EML6: variants seen among roughly 807,000 people sequenced by gnomAD.
EML6 encodes the protein echinoderm microtubule-associated protein-like 6.
In EML6, 154 loss-of-function variants were observed where a neutral mutation model predicts 240.1. The observed-to-expected ratio is 0.64, with a 90% confidence interval of 0.56 to 0.73. The LOEUF is 0.73. EML6 is among the 30% of genes least tolerant of loss of function. EML6 has a pLI of 0.00. For synonymous variants in EML6, 1,148 were observed against 899.0 expected, an observed-to-expected ratio of 1.28 and a Z score of -4.95; for missense variants, 2,964 against 2,474.6, an observed-to-expected ratio of 1.20 and a Z score of -4.20.
At chr2:54,804,377 T>A (rs1034615565) in intron 2 of EML6, among the ~76,000 whole-genome samples, 1 of 152,242 alleles carries the variant, frequency 6.6e-6, no homozygotes, top group African/African-American at 2.4e-5. Context: ...CATAGACCTC[T>A]CTCATTAGTG....
rs1404118464 is a variant in EML6 at position 54,853,698 on chromosome 2, G to C, written c.1500G>C (p.Trp500Cys). The C allele has an allele frequency of 1.9e-6, 3 of 1,550,828 alleles. No individual in the cohort carries two copies. Among genetic ancestry groups the C allele is most frequent in the Admixed American group, 3.9e-5 (2 of 50,914 alleles). Reference sequence around the variant, plus strand: ...TTAAAGGGATTCCTTGGGCCTCCTGGACATGCGTGAAAGGCCCTGAAGTGA... The same window carrying C: ...TTAAAGGGATTCCTTGGGCCTCCTGCACATGCGTGAAAGGCCCTGAAGTGA... ...EEIKGIPWAS[W>C]TCVKGPEVSG... The change falls in exon 11 of 42, where the codon TGG becomes TGC. Residue 500 changes from tryptophan to cysteine, a missense_variant. Coordinates refer to ENST00000356458, the MANE Select transcript of EML6 (RefSeq NM_001039753.4).
At chr2:54,869,868 CTG>C (rs1671162761) in intron 15 of EML6, among the ~76,000 whole-genome samples, 4 of 151,954 alleles carry the variant, frequency 2.6e-5, no homozygotes, top group Admixed American at 2.6e-4. Flanking sequence ...TAGATTGAGT[CTG>C]TAATTGAAAA....
At chr2:54,758,181 C>G (rs1353218837) in intron 2 of EML6, among the ~76,000 whole-genome samples, 1 of 152,106 alleles carries the variant, frequency 6.6e-6, no homozygotes, top group East Asian at 1.9e-4. Flanking sequence ...GATTTAAAAT[C>G]TTTCCAGCTG....
chr2:54,921,256 G>C (rs371782626), intron 26 of EML6, among the ~76,000 whole-genome samples: 1 of 152,058 alleles, frequency 6.6e-6, no homozygotes, highest in East Asian at 1.9e-4. Context: ...AGTCAGTAAA[G>C]TTGTAGGATA....
chr2:54,809,100 C>A lies in EML6; in HGVS notation c.198-4132C>A, dbSNP rs115629576. Among the ~76,000 whole-genome samples, 656 of 152,284 alleles carry A rather than the reference C, an allele frequency of 4.3e-3. 5 individuals carry two copies. Among genetic ancestry groups the A allele is most frequent in the African/African-American group, 0.015 (635 of 41,548 alleles). On this transcript the variant is annotated intron_variant, in intron 2 of 41. Coordinates refer to ENST00000356458, the MANE Select transcript of EML6 (RefSeq NM_001039753.4). ...CTTTTTATGTAGGTGTGGAATGAGA[C>A]TTTCATTGTCTTGAGACTCGCAATG...
At chr2:54,903,008 T>C in intron 22 of EML6, 36 bp from the exon 23 acceptor site, 1 of 1,542,214 alleles carries the variant, frequency 6.5e-7, no homozygotes, top group Non-Finnish European at 8.8e-7. Flanking sequence ...CAGTGAAGTT[T>C]TGGATAATAA....
intron 26 of EML6, 48 bp from the exon 27 acceptor site, chr2:54,928,265 G>C (rs1290176586): frequency 7.1e-7 from 1 of 1,407,640 alleles, no homozygotes; most frequent in Non-Finnish European, 9.8e-7. Flanking sequence ...CGAGCCCAGA[G>C]AAAGGAATAA....
At chr2:54,824,389 TATA>T (rs1328210898) in intron 5 of EML6, among the ~76,000 whole-genome samples, 1 of 152,222 alleles carries the variant, frequency 6.6e-6, no homozygotes, top group Non-Finnish European at 1.5e-5. Context: ...TGCTTAGAAA[TATA>T]ATACATTTAA....
chr2:54,925,023 C>G (rs545376379), intron 26 of EML6, among the ~76,000 whole-genome samples: 1 of 152,276 alleles, frequency 6.6e-6, no homozygotes, highest in South Asian at 2.1e-4. Context: ...ATGGTTGTGT[C>G]TTCCCAAATC....
At chr2:54,874,655 T>G (rs1002974657) in intron 16 of EML6, among the ~76,000 whole-genome samples, 1 of 152,212 alleles carries the variant, frequency 6.6e-6, no homozygotes, top group East Asian at 1.9e-4. Flanking sequence ...CTTTGACTGA[T>G]ACGTGATTCA....
In EML6 at chr2:54,806,335, G is replaced by T. The variant is rs116602644; in HGVS notation, c.198-6897G>T. ...GGACTTAGAATGTCTGTTCCTGGCC[G>T]GGCGCGGTGGCTCACACTTGTAATC... On this transcript the variant is annotated intron_variant, in intron 2 of 41. Transcript: ENST00000356458. Among the ~76,000 whole-genome samples the T allele has an allele frequency of 7.7e-3, 1,173 of 152,090 alleles. 16 individuals are homozygous for T. The highest frequency in any genetic ancestry group is 0.027 in the African/African-American group (1,109 of 41,506).
rs368558159 is a variant in EML6, at chr2:54,840,926, C to T, written c.848-3121C>T. On this transcript the variant is annotated intron_variant, in intron 7 of 41. Coordinates refer to ENST00000356458, the MANE Select transcript of EML6 (RefSeq NM_001039753.4). ...ATGCTGAAGAGCAAAGCATTAAACC[C>T]TTTGTGTAATAAAAGTAGATGATGC... Among the ~76,000 whole-genome samples, 69 of 152,348 alleles carry T rather than the reference C, an allele frequency of 4.5e-4. 1 individual carries two copies. Among genetic ancestry groups the T allele is most frequent in the African/African-American group, 1.6e-3 (68 of 41,576 alleles).
chr2:54,840,950 G>A (rs1010240964), intron 7 of EML6, among the ~76,000 whole-genome samples: 1 of 152,228 alleles, frequency 6.6e-6, no homozygotes, highest in Non-Finnish European at 1.5e-5. Flanking sequence ...AGTAGATGAT[G>A]CAAAGCCTGC....
chr2:54,774,525 T>A lies in EML6; in HGVS notation c.198-38707T>A, dbSNP rs1284829274. Among the ~76,000 whole-genome samples, 1 of 152,166 alleles carries A rather than the reference T, an allele frequency of 6.6e-6. No individual in the cohort carries two copies. The highest frequency in any genetic ancestry group is 1.5e-5 in the Non-Finnish European group (1 of 68,026). Reference sequence around the variant, plus strand: ...GGTTCTGGATGGTTTTTAGCCTACATCACGGGGAGAATGGAAGAGCTAGCA... The same window carrying A: ...GGTTCTGGATGGTTTTTAGCCTACAACACGGGGAGAATGGAAGAGCTAGCA... On this transcript the variant is annotated intron_variant, in intron 2 of 41. Coordinates refer to ENST00000356458, the MANE Select transcript of EML6 (RefSeq NM_001039753.4). This position sits in a 1 kb window ranked among gnomAD's most constrained non-coding sequence, Gnocchi z 4.1.
intron 9 of EML6, among the ~76,000 whole-genome samples, chr2:54,847,952 A>G (rs1441520078): frequency 6.6e-6 from 1 of 152,196 alleles, no homozygotes; most frequent in African/African-American, 2.4e-5. Flanking sequence ...CCCAGCCCCC[A>G]CTGGGGATGT....
At chr2:54,771,383 T>C (rs1321479734) in intron 2 of EML6, among the ~76,000 whole-genome samples, 2 of 152,242 alleles carry the variant, frequency 1.3e-5, no homozygotes, top group Non-Finnish European at 2.9e-5. Context: ...CAAGAGCGGA[T>C]ACATTATCAT....
chr2:54,737,157 G>T (rs354235), intron 2 of EML6, among the ~76,000 whole-genome samples: 65,380 of 151,986 alleles, frequency 0.43, 14,792 homozygotes, highest in East Asian at 0.65. Flanking sequence ...AGCAATGCAG[G>T]TATATAAGAG....
At chr2:54,912,517 A>G (rs1223956765) in intron 25 of EML6, among the ~76,000 whole-genome samples, 1 of 152,184 alleles carries the variant, frequency 6.6e-6, no homozygotes, top group South Asian at 2.1e-4. Context: ...TCACCCAGGT[A>G]GAGAGCACAG....
intron 5 of EML6, among the ~76,000 whole-genome samples, chr2:54,822,765 A>T (rs769653594): frequency 6.6e-6 from 1 of 152,198 alleles, no homozygotes; most frequent in Non-Finnish European, 1.5e-5. Context: ...TAATGGGTTG[A>T]TGGATAATTT....
Sources: gnomAD v4.1 joint callset for allele counts (sites outside exome capture counted in the v4.1 genomes callset) on GRCh38, gnomAD v4.1.1 for gene constraint, Gnocchi (gnomAD v3.1) non-coding constraint, MANE v1.5 for transcripts, NCBI Gene and HGNC (gene_info 2026-07-23, HGNC 2026-07-21) for gene names.